Variants in SLC1A2 observed in about 807,000 individuals in gnomAD.
SLC1A2 encodes solute carrier family 1 member 2.
A neutral mutation model predicts 48.8 loss-of-function variants in SLC1A2; 15 were observed. That is an observed-to-expected ratio of 0.31 (90% CI 0.21 to 0.47). The LOEUF (loss-of-function observed/expected upper bound fraction) is 0.47, where lower values mean the gene tolerates loss of function less well. SLC1A2 is among the 20% of genes least tolerant of loss of function. The probability of loss-of-function intolerance (pLI) is 0.99; values close to 1 mark genes in which losing one functional copy is unlikely to be tolerated. For missense variants in SLC1A2, 502 were observed against 730.5 expected, an observed-to-expected ratio of 0.69 and a Z score of 3.61; for synonymous variants, 279 against 272.6, an observed-to-expected ratio of 1.02 and a Z score of -0.23.
At chr11:35,333,724 C>T (rs752903092) in intron 1 of SLC1A2, among the ~76,000 whole-genome samples, 5 of 152,030 alleles carry the variant, frequency 3.3e-5, no homozygotes, top group East Asian at 1.9e-4. Flanking sequence ...TGCAGAGGCA[C>T]GATCTCAGCT....
At chr11:35,304,700 T>A (rs1334244985) in intron 5 of SLC1A2, among the ~76,000 whole-genome samples, 4 of 152,136 alleles carry the variant, frequency 2.6e-5, no homozygotes, top group Non-Finnish European at 5.9e-5. Context: ...TCCCTCTCTC[T>A]CCTCTTTCTC....
chr11:35,306,080 C>T lies in SLC1A2; in HGVS notation c.724G>A (p.Val242Ile), dbSNP rs1851495217. The T allele has an allele frequency of 4.3e-6, 7 of 1,613,620 alleles. No homozygotes were observed. Among genetic ancestry groups the T allele is most frequent in the African/African-American group, 1.3e-5 (1 of 74,918 alleles). ...GGACCACCAGCTGGCCTACCTAAGA[C>T]GTTCATCCCATCCTTGAACTCCAGG... ...KGLEFKDGMN[V>I]LGLIGFFIAF... The change falls in exon 5 of 11, where the codon GTC (valine) becomes ATC (isoleucine). Residue 242 changes from valine (V) to isoleucine (I), a missense_variant. Physicochemically the swap from Val to Ile is conservative, Grantham distance 29. This residue lies in a region of SLC1A2 where 309 missense variants were observed against 480.3 expected (regional missense o/e 0.64). Transcript: ENST00000278379.
At chr11:35,412,984 TG>T in intron 1 of SLC1A2, among the ~76,000 whole-genome samples, 1 of 149,710 alleles carries the variant, frequency 6.7e-6, no homozygotes, top group Non-Finnish European at 1.5e-5. Context: ...CTTTGGGGGG[TG>T]GGGGGAAAGG....
At chr11:35,396,047 G>A (rs1213603376) in intron 1 of SLC1A2, among the ~76,000 whole-genome samples, 8 of 144,568 alleles carry the variant, frequency 5.5e-5, no homozygotes, top group Admixed American at 2.0e-4. Context: ...TGTTGTATAT[G>A]TGCCACATTT....
chr11:35,314,441 G>A (rs762173325), intron 3 of SLC1A2, among the ~76,000 whole-genome samples: 1 of 152,210 alleles, frequency 6.6e-6, no homozygotes, highest in Non-Finnish European at 1.5e-5. Context: ...AAGGCCAGGT[G>A]CAGTGGCTCA....
At position 35,332,704 on chromosome 11, in the gene SLC1A2, T is replaced by A. The variant is rs116692947; in HGVS notation, c.18-15188A>T. Among the ~76,000 whole-genome samples, 710 of 152,182 alleles carry A rather than the reference T, an allele frequency of 4.7e-3. 5 individuals are homozygous for A. The highest frequency in any genetic ancestry group is 0.016 in the African/African-American group (682 of 41,520). On this transcript the variant is annotated intron_variant, in intron 1 of 10. Transcript: ENST00000278379. ...TGGACAATCATGCTTTCTTCCTCCATCCTCCCTCTCCCCATCTGCCCTGAA... is the reference window on the plus strand; with the variant it reads ...TGGACAATCATGCTTTCTTCCTCCAACCTCCCTCTCCCCATCTGCCCTGAA...
rs780330935 is a variant in SLC1A2, at chr11:35,306,185, C to T, written c.619G>A (p.Ala207Thr). 1.2e-5 allele frequency: 20 copies of T among 1,613,760 alleles called. No homozygotes were observed. In the East Asian group the frequency reaches 1.3e-4, roughly 11 times the overall value. ...AACAGAGAGACAACAGCGCTGGTTG[C>T]GTTGGCCTCCTCGTCCGGCGGTGGT... ...VAPPPDEEANATSAVVSLLNE... is the reference protein window; with the variant it reads ...VAPPPDEEANTTSAVVSLLNE... Residue 207 changes from alanine to threonine, a missense_variant, in exon 5 of 11, where the codon GCA becomes ACA. This residue lies in a region of SLC1A2 where 309 missense variants were observed against 480.3 expected (regional missense o/e 0.64). Coordinates refer to ENST00000278379, the MANE Select transcript of SLC1A2 (RefSeq NM_004171.4).
intron 1 of SLC1A2, among the ~76,000 whole-genome samples, chr11:35,399,154 G>A (rs925635282): frequency 2.0e-5 from 3 of 152,086 alleles, no homozygotes; most frequent in African/African-American, 4.8e-5. Context: ...GCCTACCCAC[G>A]GTTGCCTTTC....
intron 1 of SLC1A2, among the ~76,000 whole-genome samples, chr11:35,325,683 C>T (rs1305838519): frequency 6.6e-6 from 1 of 152,100 alleles, no homozygotes; most frequent in Non-Finnish European, 1.5e-5. Flanking sequence ...AGCAGGCGGG[C>T]CAGGTGAAGT....
intron 1 of SLC1A2, among the ~76,000 whole-genome samples, chr11:35,367,403 T>C (rs767780109): frequency 5.1e-4 from 77 of 152,350 alleles, no homozygotes; most frequent in Non-Finnish European, 2.1e-4. Flanking sequence ...TGGACCCTCA[T>C]GTGTCTAACA....
intron 1 of SLC1A2, among the ~76,000 whole-genome samples, chr11:35,363,253 G>A (rs1363493392): frequency 2.0e-5 from 3 of 152,180 alleles, no homozygotes; most frequent in African/African-American, 7.2e-5. Flanking sequence ...CATCTTTTGG[G>A]TGTTGTGTAT....
chr11:35,400,063 A>G (rs1855090337), intron 1 of SLC1A2, among the ~76,000 whole-genome samples: 1 of 152,220 alleles, frequency 6.6e-6, no homozygotes, highest in African/African-American at 2.4e-5. Context: ...GGACTCAAAA[A>G]GACAACTGCA....
intron 1 of SLC1A2, among the ~76,000 whole-genome samples, chr11:35,363,752 T>C (rs1853757357): frequency 1.3e-5 from 2 of 152,208 alleles, no homozygotes; most frequent in African/African-American, 4.8e-5. Context: ...AGCTAGGACC[T>C]GAGCCAAAGA....
chr11:35,274,976 C>T (rs1445222085), intron 9 of SLC1A2, among the ~76,000 whole-genome samples: 1 of 152,222 alleles, frequency 6.6e-6, no homozygotes, highest in African/African-American at 2.4e-5. Context: ...CTCCTGTTTT[C>T]CTTCTCCGTC....
At chr11:35,333,245 T>A (rs1042162354) in intron 1 of SLC1A2, among the ~76,000 whole-genome samples, 3 of 151,746 alleles carry the variant, frequency 2.0e-5, no homozygotes, top group Non-Finnish European at 2.9e-5. Flanking sequence ...AAACCCCATC[T>A]CTACTAAAAA....
At chr11:35,380,818 G>C (rs1221693013) in intron 1 of SLC1A2, among the ~76,000 whole-genome samples, 1 of 152,234 alleles carries the variant, frequency 6.6e-6, no homozygotes. Flanking sequence ...TTTAGAATCT[G>C]TAGGGAGAAG....
intron 1 of SLC1A2, among the ~76,000 whole-genome samples, chr11:35,341,244 GT>G (rs1852830513): frequency 6.6e-6 from 1 of 152,168 alleles, no homozygotes; most frequent in African/African-American, 2.4e-5. Context: ...GAGGGGAGAA[GT>G]GGGGGTAACG....
chr11:35,285,736 A>T (rs1364332957), intron 8 of SLC1A2: 2 of 152,270 alleles, frequency 1.3e-5, no homozygotes, highest in Non-Finnish European at 2.9e-5. Flanking sequence ...GTCTCATAAG[A>T]GGATGAAATT....
intron 1 of SLC1A2, among the ~76,000 whole-genome samples, chr11:35,333,308 T>C (rs146515701): frequency 0.021 from 3,110 of 151,124 alleles, 101 homozygotes; most frequent in African/African-American, 0.072. Flanking sequence ...TCCCAGCTAC[T>C]GGGGAGGCTG....
Sources: allele counts gnomAD v4.1 joint callset (sites outside exome capture counted in the v4.1 genomes callset), GRCh38; gene constraint gnomAD v4.1.1; regional missense constraint gnomAD v4.1.1; transcripts MANE v1.5; gene names NCBI Gene and HGNC (gene_info 2026-07-23, HGNC 2026-07-21).